The following STC2 variants were observed in gnomAD, a reference collection of about 807,000 sequenced individuals.
STC2 encodes the protein stanniocalcin-2.
Under a neutral mutation model 22.7 loss-of-function variants are expected in STC2, and 7 were observed. The observed-to-expected ratio is 0.31, with a 90% CI of 0.18 to 0.58. The LOEUF is 0.58. Ranked by LOEUF, STC2 falls within the 20% of genes least tolerant of loss-of-function variation. STC2 has a pLI of 0.89. For synonymous variants in STC2, 158 were observed against 163.4 expected (o/e 0.97, Z 0.25); for missense variants, 336 against 406.2 (o/e 0.83, Z 1.48).
At chr5:173,326,597 G>T (rs1174942003) in intron 1 of STC2, 1 of 152,348 alleles carries the variant, frequency 6.6e-6, no homozygotes, top group Non-Finnish European at 1.5e-5. Context: ...ACCAGCTAGG[G>T]AAGCTGCGGT....
At position 173,315,206 on chromosome 5, in the gene STC2, A is replaced by C. The variant is rs1017237236; in HGVS notation, c.*2641T>G. Reference sequence around the variant, plus strand: ...AAATTTGTATGCAGTATAAAGCCCAAGTAGAGGGTGTATTTTTAATGACTA... The same window carrying C: ...AAATTTGTATGCAGTATAAAGCCCACGTAGAGGGTGTATTTTTAATGACTA... On this transcript the variant is annotated 3_prime_UTR_variant, in exon 4 of 4. Coordinates refer to ENST00000265087, the MANE Select transcript of STC2 (RefSeq NM_003714.3). 2.0e-5 allele frequency: 3 copies of C among 152,212 alleles called. No individual in the cohort carries two copies. Among genetic ancestry groups the C allele is most frequent in the African/African-American group, 7.2e-5 (3 of 41,444 alleles). The allele number at this position is 152,212 out of a possible 1,614,324, so 9.4% of individuals were successfully genotyped here. A position where few individuals can be genotyped will look rare whatever the true frequency, so the allele number is the denominator to read the frequency against.
rs1762511459 is a variant in STC2 at position 173,323,558 on chromosome 5, C to G, written c.295-128G>C. ...CTGACATCAGAACCCCAAGGCCCCACCAGAGACGGACGTCCTCCCAGGTGA... is the reference window on the plus strand; with the variant it reads ...CTGACATCAGAACCCCAAGGCCCCAGCAGAGACGGACGTCCTCCCAGGTGA... On this transcript the variant is annotated intron_variant, in intron 2 of 3. Transcript: ENST00000265087. The surrounding 1 kb of genome is among the most constrained non-coding windows in gnomAD (Gnocchi z 5.4). The G allele has an allele frequency of 1.3e-5, 12 of 909,794 alleles. No individual in the cohort carries two copies. Among genetic ancestry groups the G allele is most frequent in the Non-Finnish European group, 2.0e-5 (12 of 597,716 alleles). The allele number at this position is 909,794 out of a possible 1,614,324, so 56.4% of individuals were successfully genotyped here.
In STC2 at chr5:173,323,442, C is replaced by G. The variant is rs1299072666; in HGVS notation, c.295-12G>C. On this transcript the variant is annotated splice_polypyrimidine_tract_variant and intron_variant, in intron 2 of 3. Coordinates refer to ENST00000265087, the MANE Select transcript of STC2 (RefSeq NM_003714.3). The surrounding 1 kb of genome is among the most constrained non-coding windows in gnomAD (Gnocchi z 5.4). Reference sequence around the variant, plus strand: ...ATGAATGACTTGCCCTGAGAACACACAGGCCGGGGAAGGGAGAGAGGGGCA... The same window carrying G: ...ATGAATGACTTGCCCTGAGAACACAGAGGCCGGGGAAGGGAGAGAGGGGCA... 1 of 1,598,804 alleles carries G rather than the reference C, an allele frequency of 6.3e-7. No homozygotes were observed. The highest frequency in any genetic ancestry group is 1.7e-5 in the Admixed American group (1 of 57,844).
chr5:173,326,975 C>A (rs192568390), intron 1 of STC2, among the ~76,000 whole-genome samples: 1,703 of 143,436 alleles, frequency 0.012, 21 homozygotes, highest in Non-Finnish European at 0.018. Flanking sequence ...GAATGAGGGG[C>A]GTGTATTGTT....
chr5:173,328,142 T>C lies in STC2; in HGVS notation c.52A>G (p.Thr18Ala). ...QFMTLALVLATFDPARGTDAT... is the reference protein window; with the variant it reads ...QFMTLALVLAAFDPARGTDAT... ...TCGGTCCCCCGCGCCGGGTCAAAGG[T>C]GGCCAACACCAAAGCCAGGGTCATG... The change falls in exon 1 of 4, where the codon ACC becomes GCC. Residue 18 changes from threonine to alanine, a missense_variant. By Grantham distance (58) the Thr-to-Ala change is moderately conservative (BLOSUM62 0). Coordinates refer to ENST00000265087, the MANE Select transcript of STC2 (RefSeq NM_003714.3). The C allele has an allele frequency of 6.3e-7, 1 of 1,598,408 alleles. No homozygotes were observed.
chr5:173,328,232 C>G lies in STC2; in HGVS notation c.-39G>C, dbSNP rs1762576066. On this transcript the variant is annotated 5_prime_UTR_variant, in exon 1 of 4. Transcript: ENST00000265087. ...AACCTCCCGTCGGGAGACCTGGATC[C>G]TTTGTGCTCCCCTCTTCCTCCTCCT... 1.4e-6 allele frequency: 2 copies of G among 1,415,082 alleles called. No homozygotes were observed. The highest frequency in any genetic ancestry group is 1.9e-6 in the Non-Finnish European group (2 of 1,075,464). 87.7% of individuals were successfully genotyped at this position (1,415,082 alleles called of 1,614,324 possible). A position where few individuals can be genotyped will look rare whatever the true frequency, so the allele number is the denominator to read the frequency against.
chr5:173,318,514 C>CCTT (rs1762453127), intron 3 of STC2, among the ~76,000 whole-genome samples: 1 of 152,138 alleles, frequency 6.6e-6, no homozygotes, highest in Admixed American at 6.5e-5. Flanking sequence ...GAGCTTAGGA[C>CCTT]CCTAAAAGGA....
chr5:173,318,268 G>C lies in STC2; in HGVS notation c.507-19C>G. 3.2e-6 allele frequency: 1 copy of C among 308,746 alleles called. No individual in the cohort carries two copies. 19.1% of individuals were successfully genotyped at this position (308,746 alleles called of 1,614,324 possible). On this transcript the variant is annotated intron_variant, in intron 3 of 3. Transcript: ENST00000265087. ...GTAGGGTCTAAAGATTGAAAGCAAAGAGAGAGAGAGAGAGAGAGAGAGAGA... is the reference window on the plus strand; with the variant it reads ...GTAGGGTCTAAAGATTGAAAGCAAACAGAGAGAGAGAGAGAGAGAGAGAGA...
At chr5:173,326,852 C>G (rs1264090033) in intron 1 of STC2, 2 of 152,208 alleles carry the variant, frequency 1.3e-5, no homozygotes, top group African/African-American at 4.8e-5. Flanking sequence ...CCCTCCCTTT[C>G]CACTACCCAA....
At position 173,317,695 on chromosome 5, in the gene STC2, C is replaced by G. The variant is rs1308391758; in HGVS notation, c.*152G>C. ...CCCCAGGGGTCTCCATCTCACCTGT[C>G]CGTTCCGCGAACACACACCTCGATG... On this transcript the variant is annotated 3_prime_UTR_variant, in exon 4 of 4. Transcript: ENST00000265087. The G allele has an allele frequency of 9.3e-7, 1 of 1,080,912 alleles. No homozygotes were observed. Among genetic ancestry groups the G allele is most frequent in the Non-Finnish European group, 1.3e-6 (1 of 784,072 alleles). The allele number at this position is 1,080,912 out of a possible 1,614,324, so 67.0% of individuals were successfully genotyped here. A position where few individuals can be genotyped will look rare whatever the true frequency, so the allele number is the denominator to read the frequency against.
intron 3 of STC2, among the ~76,000 whole-genome samples, chr5:173,319,725 G>A (rs1364508773): frequency 6.6e-6 from 1 of 152,220 alleles, no homozygotes; most frequent in Non-Finnish European, 1.5e-5. Context: ...GGTGGCTCTT[G>A]GAAGCTTCTG....
At position 173,323,433 on chromosome 5, in the gene STC2, G is replaced by A. The variant is rs2277950; in HGVS notation, c.295-3C>T. 112,659 of 1,606,126 alleles carry A rather than the reference G, an allele frequency of 0.07. 6,827 individuals carry two copies. The highest frequency in any genetic ancestry group is 0.4 in the East Asian group (17,732 of 44,594). On this transcript the variant is annotated splice_region_variant and splice_polypyrimidine_tract_variant and intron_variant, in intron 2 of 3. Coordinates refer to ENST00000265087, the MANE Select transcript of STC2 (RefSeq NM_003714.3). This position sits in a 1 kb window ranked among gnomAD's most constrained non-coding sequence, Gnocchi z 5.4. ...GCGTCTTTGATGAATGACTTGCCCT[G>A]AGAACACACAGGCCGGGGAAGGGAG...
chr5:173,327,768 A>G (rs1351512764), intron 1 of STC2, among the ~76,000 whole-genome samples: 1 of 152,216 alleles, frequency 6.6e-6, no homozygotes, highest in East Asian at 1.9e-4. Flanking sequence ...GCAGCGTCAG[A>G]CGCTGCTTCA....
intron 3 of STC2, among the ~76,000 whole-genome samples, chr5:173,318,483 G>A (rs1314153150): frequency 6.6e-6 from 1 of 152,176 alleles, no homozygotes; most frequent in Non-Finnish European, 1.5e-5. Context: ...TGTGTCCCAG[G>A]CTCACAGGTG....
Position 173,325,556 on chromosome 5 carries a change from T to G in STC2, c.294+312A>C, listed in dbSNP as rs1025313897. Among the ~76,000 whole-genome samples, 6 of 152,188 alleles carry G rather than the reference T, an allele frequency of 3.9e-5. No individual in the cohort carries two copies. Among genetic ancestry groups the G allele is most frequent in the African/African-American group, 1.4e-4 (6 of 41,430 alleles). On this transcript the variant is annotated intron_variant, in intron 2 of 3. Coordinates refer to ENST00000265087, the MANE Select transcript of STC2 (RefSeq NM_003714.3). This position sits in a 1 kb window ranked among gnomAD's most constrained non-coding sequence, Gnocchi z 4.7. Reference sequence around the variant, plus strand: ...GACTTCTGAAATGTATAATTGGGGGTTCCTGCCCCTGCCTCTCATGCAGTG... The same window carrying G: ...GACTTCTGAAATGTATAATTGGGGGGTCCTGCCCCTGCCTCTCATGCAGTG...
In STC2 at chr5:173,320,424, C is replaced by T. The variant is rs1383875233; in HGVS notation, c.507-2175G>A. Among the ~76,000 whole-genome samples the T allele has an allele frequency of 3.9e-5, 6 of 152,308 alleles. No individual in the cohort carries two copies. In the East Asian group the frequency reaches 1.2e-3, roughly 29 times the overall value. On this transcript the variant is annotated intron_variant, in intron 3 of 3. Transcript: ENST00000265087. ...AAGTTAATCCAAGCCGTGTTCCGAG[C>T]TGGCCTGGTGCCTTCTGAGGCTGCA... is the stretch of plus-strand genomic sequence containing the variant.
intron 3 of STC2, among the ~76,000 whole-genome samples, chr5:173,321,230 G>A (rs993836759): frequency 6.6e-6 from 1 of 152,076 alleles, no homozygotes; most frequent in South Asian, 2.1e-4. Context: ...TTAAATTAAG[G>A]GGAGGGGGTG....
At chr5:173,318,288 GAGAGA>G in intron 3 of STC2, 39 bp from the exon 4 acceptor site, 1 of 1,378,414 alleles carries the variant, frequency 7.3e-7, no homozygotes. Context: ...GAGAGAGAGA[GAGAGA>G]GAGAGAGGCT....
In STC2 at chr5:173,317,842, T is replaced by C. The variant is rs202203608; in HGVS notation, c.*5A>G. ...AGGAAAGATTTCGTGGCCAGGCCTT[T>C]CATTTCACCTCCGGATATCAGAATA... On this transcript the variant is annotated 3_prime_UTR_variant, in exon 4 of 4. Coordinates refer to ENST00000265087, the MANE Select transcript of STC2 (RefSeq NM_003714.3). The C allele has an allele frequency of 4.1e-4, 634 of 1,545,530 alleles. 3 individuals carry two copies. The African/African-American group carries it at 8.1e-3, about 20-fold the overall frequency.
Sources: allele counts gnomAD v4.1 joint callset (sites outside exome capture counted in the v4.1 genomes callset), GRCh38; gene constraint gnomAD v4.1.1; non-coding constraint Gnocchi (gnomAD v3.1); transcripts MANE v1.5; gene names NCBI Gene and HGNC (gene_info 2026-07-23, HGNC 2026-07-21).